CDH12: variants seen among roughly 807,000 people sequenced by gnomAD.
CDH12 encodes the protein cadherin-12.
A neutral mutation model predicts 74.1 loss-of-function variants in CDH12; 41 were observed. The observed-to-expected ratio is 0.55, with a 90% CI of 0.43 to 0.72. The LOEUF (loss-of-function observed/expected upper bound fraction) is 0.72. Ranked by LOEUF, CDH12 falls within the 30% of genes least tolerant of loss-of-function variation. The pLI is 0.00. For missense variants in CDH12, 945 were observed against 977.2 expected, an observed-to-expected ratio of 0.97 and a Z score of 0.44; for synonymous variants, 399 against 355.0, an observed-to-expected ratio of 1.12 and a Z score of -1.39.
At chr5:22,335,194 G>A (rs771925382) in intron 3 of CDH12, among the ~76,000 whole-genome samples, 2 of 152,154 alleles carry the variant, frequency 1.3e-5, no homozygotes, top group African/African-American at 4.8e-5. Flanking sequence ...ATTTGGTTTG[G>A]CTATGTGCCC....
intron 4 of CDH12, among the ~76,000 whole-genome samples, chr5:22,174,495 T>C (rs984575770): frequency 6.6e-6 from 1 of 151,998 alleles, no homozygotes; most frequent in African/African-American, 2.4e-5. Context: ...TTTTGTTTTT[T>C]AACTAAACTG....
intron 11 of CDH12, among the ~76,000 whole-genome samples, chr5:21,782,457 T>C (rs1745967740): frequency 6.6e-6 from 1 of 152,210 alleles, no homozygotes; most frequent in Non-Finnish European, 1.5e-5. Context: ...TGAGTTGGAC[T>C]GATCAAAACC....
intron 3 of CDH12, among the ~76,000 whole-genome samples, chr5:22,331,859 T>A (rs897159277): frequency 7.2e-5 from 11 of 152,128 alleles, no homozygotes; most frequent in African/African-American, 2.7e-4. Flanking sequence ...AGTTCAAAAA[T>A]GCAAGTGACA....
intron 2 of CDH12, among the ~76,000 whole-genome samples, chr5:22,441,772 T>C (rs981317297): frequency 4.6e-5 from 7 of 152,280 alleles, no homozygotes; most frequent in African/African-American, 1.7e-4. Context: ...TGGAACCGTG[T>C]TGGCTCACTG....
chr5:21,855,140 A>C (rs1019959520), intron 6 of CDH12, among the ~76,000 whole-genome samples: 16 of 151,760 alleles, frequency 1.1e-4, no homozygotes, highest in African/African-American at 3.4e-4. Context: ...TAATTTTATG[A>C]TTAGGATATC....
chr5:22,494,310 T>C (rs551900058), intron 2 of CDH12, among the ~76,000 whole-genome samples: 3 of 152,148 alleles, frequency 2.0e-5, no homozygotes, highest in Non-Finnish European at 4.4e-5. Flanking sequence ...GTCTAAACGG[T>C]CCTGGTGTGA....
At chr5:22,066,148 G>A (rs992361529) in intron 5 of CDH12, among the ~76,000 whole-genome samples, 1 of 152,036 alleles carries the variant, frequency 6.6e-6, no homozygotes, top group African/African-American at 2.4e-5. Context: ...TACTATTAAT[G>A]TTTCTAATTT....
chr5:22,758,628 G>A (rs1746054973), intron 1 of CDH12, among the ~76,000 whole-genome samples: 1 of 151,808 alleles, frequency 6.6e-6, no homozygotes, highest in Non-Finnish European at 1.5e-5. Flanking sequence ...GTTTTACGCA[G>A]CATTAACAGA....
At position 21,750,975 on chromosome 5, in the gene CDH12, AGAAAG is replaced by A; in HGVS notation, c.*757_*761del. The A allele has an allele frequency of 6.6e-6, 1 of 151,664 alleles. No homozygotes were observed. Among genetic ancestry groups the A allele is most frequent in the Admixed American group, 6.6e-5 (1 of 15,228 alleles). 9.4% of individuals were successfully genotyped at this position (151,664 alleles called of 1,614,324 possible). A position where few individuals can be genotyped will look rare whatever the true frequency, so the allele number is the denominator to read the frequency against. ...TTTTTCTTTCTTTTTTTTTTGGAAA[AGAAAG>A]TAACATTTTAATGAACAGCTTTAAT... On this transcript the variant is annotated 3_prime_UTR_variant, in exon 15 of 15. Coordinates refer to ENST00000382254, the MANE Select transcript of CDH12 (RefSeq NM_004061.5).
chr5:21,852,649 T>A (rs969667405), intron 7 of CDH12, among the ~76,000 whole-genome samples: 2 of 151,488 alleles, frequency 1.3e-5, no homozygotes, highest in African/African-American at 4.8e-5. Context: ...TAATGCTAAA[T>A]CCTTCATTCT....
chr5:22,550,533 A>C (rs1738518743), intron 1 of CDH12, among the ~76,000 whole-genome samples: 2 of 152,136 alleles, frequency 1.3e-5, no homozygotes, highest in African/African-American at 4.8e-5. Context: ...CCACATTGAA[A>C]GCTTCAGAAT....
intron 6 of CDH12, among the ~76,000 whole-genome samples, chr5:21,885,515 T>C (rs1371979594): frequency 6.6e-6 from 1 of 152,170 alleles, no homozygotes; most frequent in Non-Finnish European, 1.5e-5. Context: ...GCTCACCATA[T>C]ACGGTCAAAC....
At chr5:22,551,292 G>GA (rs1738556813) in intron 1 of CDH12, among the ~76,000 whole-genome samples, 1 of 152,122 alleles carries the variant, frequency 6.6e-6, no homozygotes, top group South Asian at 2.1e-4. Flanking sequence ...TCAATCTTCT[G>GA]GCACCTTGGT....
At chr5:22,331,325 T>C (rs1211564370) in intron 3 of CDH12, among the ~76,000 whole-genome samples, 1 of 152,132 alleles carries the variant, frequency 6.6e-6, no homozygotes, top group East Asian at 1.9e-4. Flanking sequence ...TAGCCACACG[T>C]GTGCTCGCAT....
chr5:21,941,716 G>C (rs941667118), intron 6 of CDH12, among the ~76,000 whole-genome samples: 1 of 152,102 alleles, frequency 6.6e-6, no homozygotes, highest in African/African-American at 2.4e-5. Flanking sequence ...TCATACAACG[G>C]AAAGGGAGTT....
In CDH12 at chr5:22,147,789, C is replaced by G. The variant is rs148078873; in HGVS notation, c.-187+64709G>C. Among the ~76,000 whole-genome samples the G allele has an allele frequency of 6.3e-3, 958 of 152,218 alleles. 7 individuals carry two copies. Among genetic ancestry groups the G allele is most frequent in the African/African-American group, 0.022 (916 of 41,532 alleles). ...TACCACAAGAACAGTATGGGGAAAA[C>G]TGTCCCCCCATAATTCAATTATCTC... On this transcript the variant is annotated intron_variant, in intron 4 of 14. Transcript: ENST00000382254.
chr5:22,589,025 C>T (rs960565009), intron 1 of CDH12, among the ~76,000 whole-genome samples: 1 of 152,200 alleles, frequency 6.6e-6, no homozygotes, highest in Non-Finnish European at 1.5e-5. Context: ...GTCTTTCATA[C>T]CTTTCTCTAG....
intron 7 of CDH12, among the ~76,000 whole-genome samples, chr5:21,850,201 A>T (rs1032163242): frequency 6.6e-6 from 1 of 151,554 alleles, no homozygotes; most frequent in Non-Finnish European, 1.5e-5. Context: ...GCAAAAATAC[A>T]AGATAAACAA....
intron 4 of CDH12, among the ~76,000 whole-genome samples, chr5:22,099,952 T>C (rs1480249676): frequency 1.3e-5 from 2 of 152,144 alleles, no homozygotes; most frequent in Non-Finnish European, 2.9e-5. Flanking sequence ...ATATCACCCC[T>C]TACCACAAAA....
Sources: allele counts gnomAD v4.1 joint callset (sites outside exome capture counted in the v4.1 genomes callset), GRCh38; gene constraint gnomAD v4.1.1; transcripts MANE v1.5; gene names NCBI Gene and HGNC (gene_info 2026-07-23, HGNC 2026-07-21).